Variants in MDGA1 observed in about 807,000 individuals in gnomAD.
MDGA1 encodes MAM domain containing glycosylphosphatidylinositol anchor 1, also known as MAM domain-containing glycosylphosphatidylinositol anchor protein 1.
A neutral mutation model predicts 101.5 loss-of-function variants in MDGA1; 54 were observed. That is an observed-to-expected ratio of 0.53 (90% CI 0.43 to 0.67). The LOEUF (loss-of-function observed/expected upper bound fraction) is 0.67. MDGA1 is among the 30% of genes least tolerant of loss of function. MDGA1 has a pLI of 0.00. For missense variants in MDGA1, 1,083 were observed against 1,323.8 expected (o/e 0.82, Z 2.82); for synonymous variants, 533 against 558.3 (o/e 0.95, Z 0.64).
intron 13 of MDGA1, 94 bp downstream of exon 13, chr6:37,644,403 G>A: frequency 7.7e-7 from 1 of 1,295,240 alleles, no homozygotes; most frequent in South Asian, 1.7e-5. Context: ...CCTCAGACTG[G>A]AGCCGTCTCC....
At chr6:37,689,386 C>G (rs1245548472) in intron 1 of MDGA1, among the ~76,000 whole-genome samples, 10 of 152,162 alleles carry the variant, frequency 6.6e-5, no homozygotes, top group Non-Finnish European at 1.2e-4. Context: ...TGTCGATATC[C>G]CCCCCAGACA....
intron 1 of MDGA1, among the ~76,000 whole-genome samples, chr6:37,694,784 C>A (rs1052707167): frequency 6.6e-6 from 1 of 152,158 alleles, no homozygotes; most frequent in Admixed American, 6.5e-5. Flanking sequence ...GGAAAAGTGG[C>A]ATGTCACCCA....
At chr6:37,650,496 T>G in intron 7 of MDGA1, 91 bp from the exon 8 acceptor site, 1 of 1,307,696 alleles carries the variant, frequency 7.6e-7, no homozygotes, top group Non-Finnish European at 1.0e-6. Flanking sequence ...TACCTCCCGC[T>G]AGGGGCAAGC....
intron 11 of MDGA1, 85 bp from the exon 12 acceptor site, chr6:37,646,041 T>C: frequency 6.2e-7 from 1 of 1,601,868 alleles, no homozygotes; most frequent in South Asian, 1.1e-5. Context: ...GAGGACAGGG[T>C]CCTCAGAGCC....
At chr6:37,644,367 G>C in intron 13 of MDGA1, 130 bp downstream of exon 13, 1 of 1,032,212 alleles carries the variant, frequency 9.7e-7, no homozygotes, top group Non-Finnish European at 1.3e-6. Flanking sequence ...TCAGACCAGA[G>C]CTCCCTGAGA....
intron 1 of MDGA1, among the ~76,000 whole-genome samples, chr6:37,684,545 T>C (rs771575250): frequency 3.3e-5 from 5 of 152,222 alleles, no homozygotes; most frequent in Non-Finnish European, 7.3e-5. Flanking sequence ...GAAAGAAAGC[T>C]GTAGAAAGTC....
At position 37,652,736 on chromosome 6, in the gene MDGA1, A is replaced by C. The variant is rs1181753088; in HGVS notation, c.983-396T>G. Among the ~76,000 whole-genome samples, 2 of 152,222 alleles carry C rather than the reference A, an allele frequency of 1.3e-5. No homozygotes were observed. Among genetic ancestry groups the C allele is most frequent in the African/African-American group, 4.8e-5 (2 of 41,456 alleles). On this transcript the variant is annotated intron_variant, in intron 6 of 16. Coordinates refer to ENST00000434837, the MANE Select transcript of MDGA1 (RefSeq NM_153487.4). The surrounding 1 kb of genome is among the most constrained non-coding windows in gnomAD (Gnocchi z 4.3). ...AAGTAACTTGCCCAAAAAAGTAGCC[A>C]ATCTTGAATTCAAACTCAGAGTCTG...
intron 1 of MDGA1, among the ~76,000 whole-genome samples, chr6:37,679,807 A>G (rs1487155776): frequency 6.6e-6 from 1 of 152,118 alleles, no homozygotes; most frequent in Admixed American, 6.5e-5. Context: ...TACCAGTATT[A>G]GCCCTGTCTT....
rs1561868604 is a variant in MDGA1 at position 37,696,124 on chromosome 6, G to C, written c.67+621C>G. ...TGTGTGTGCGCGCAGGAAGGAAGGT[G>C]GGGTTGGGGTTTGTAGCCAAGAACC... On this transcript the variant is annotated intron_variant, in intron 1 of 16. Transcript: ENST00000434837. This position sits in a 1 kb window ranked among gnomAD's most constrained non-coding sequence, Gnocchi z 5.6. Among the ~76,000 whole-genome samples the C allele has an allele frequency of 6.6e-6, 1 of 152,194 alleles. No homozygotes were observed. The highest frequency in any genetic ancestry group is 1.5e-5 in the Non-Finnish European group (1 of 68,018).
chr6:37,642,091 G>A (rs1048900286), intron 14 of MDGA1, among the ~76,000 whole-genome samples: 6 of 150,576 alleles, frequency 4.0e-5, no homozygotes, highest in Admixed American at 2.6e-4. Flanking sequence ...AATTCAGAGG[G>A]AAAAAGCAAG....
chr6:37,648,200 G>C (rs1259595675), intron 9 of MDGA1: 1 of 152,306 alleles, frequency 6.6e-6, no homozygotes, highest in Non-Finnish European at 1.5e-5. Context: ...GGCACCGAAG[G>C]GCCTGCACCT....
At chr6:37,658,597 A>G (rs1761550396) in intron 2 of MDGA1, among the ~76,000 whole-genome samples, 178 bp from the exon 3 acceptor site, 1 of 152,238 alleles carries the variant, frequency 6.6e-6, no homozygotes, top group South Asian at 2.1e-4. Context: ...CAGACGGGGT[A>G]GAATGCCACG....
intron 12 of MDGA1, among the ~76,000 whole-genome samples, chr6:37,645,305 G>A (rs997019122): frequency 3.3e-5 from 5 of 152,100 alleles, no homozygotes; most frequent in Non-Finnish European, 5.9e-5. Context: ...AGGCCGAGGC[G>A]GGTGGATCAC....
At chr6:37,650,825 C>T (rs1761343874) in intron 7 of MDGA1, among the ~76,000 whole-genome samples, 3 of 152,214 alleles carry the variant, frequency 2.0e-5, no homozygotes, top group African/African-American at 4.8e-5. Context: ...CTTGCCCTTT[C>T]GTCCTAAGTA....
intron 14 of MDGA1, among the ~76,000 whole-genome samples, chr6:37,640,697 A>G (rs77915080): frequency 0.049 from 7,413 of 152,024 alleles, 257 homozygotes; most frequent in African/African-American, 0.11. Context: ...CAGGGGGGAC[A>G]TTGGAGCTGA....
At chr6:37,678,507 C>A (rs902514275) in intron 1 of MDGA1, among the ~76,000 whole-genome samples, 1 of 152,144 alleles carries the variant, frequency 6.6e-6, no homozygotes, top group Non-Finnish European at 1.5e-5. Flanking sequence ...TGACTCCCAT[C>A]CTACTTGGGG....
At chr6:37,686,025 C>A (rs1483347785) in intron 1 of MDGA1, among the ~76,000 whole-genome samples, 1 of 152,190 alleles carries the variant, frequency 6.6e-6, no homozygotes, top group East Asian at 1.9e-4. Context: ...GCTCATCACC[C>A]ACCCAATACC....
At chr6:37,666,379 AG>A in intron 1 of MDGA1, among the ~76,000 whole-genome samples, 1 of 151,692 alleles carries the variant, frequency 6.6e-6, no homozygotes, top group Non-Finnish European at 1.5e-5. Flanking sequence ...AAAAAAGAAA[AG>A]AAAAAAAAAG....
Position 37,649,210 on chromosome 6 carries a change from CG to C in MDGA1, c.1665del (p.Val556CysfsTer50). ...CGCAGCAGCGAGCAGCGCAGGAGCA[CG>C]GGCCGGCCCAGCGCCTGGCGCACGT... ...SQDVRQALGR[P>X]VLLRCSLLRG... On this transcript the variant is annotated frameshift_variant, in exon 9 of 17. Transcript: ENST00000434837. LOFTEE classifies it high-confidence loss of function. 1 of 1,508,526 alleles carries C rather than the reference CG, an allele frequency of 6.6e-7. No individual in the cohort carries two copies. Among genetic ancestry groups the C allele is most frequent in the Non-Finnish European group, 8.8e-7 (1 of 1,136,470 alleles). The allele number at this position is 1,508,526 out of a possible 1,614,324, so 93.4% of individuals were successfully genotyped here.
Sources: allele counts gnomAD v4.1 joint callset (sites outside exome capture counted in the v4.1 genomes callset), GRCh38; gene constraint gnomAD v4.1.1; non-coding constraint Gnocchi (gnomAD v3.1); transcripts MANE v1.5; gene names NCBI Gene and HGNC (gene_info 2026-07-23, HGNC 2026-07-21).